Variants in IGSF5 observed in about 807,000 individuals in gnomAD.
The protein encoded by IGSF5 is immunoglobulin superfamily 5 like.
In IGSF5, 41 loss-of-function variants were observed where a neutral mutation model predicts 39.4. That is an observed-to-expected ratio of 1.04 (90% CI 0.81 to 1.35). The LOEUF is 1.35. Ranked by LOEUF, IGSF5 falls within the 40% of genes most tolerant of loss-of-function variation. The probability of loss-of-function intolerance (pLI) is 0.00; values close to 1 mark genes in which losing one functional copy is unlikely to be tolerated. For missense variants in IGSF5, 487 were observed against 494.6 expected (o/e 0.98, Z 0.15); for synonymous variants, 183 against 175.3 (o/e 1.04, Z -0.34).
chr21:39,791,920 C>T (rs1354664084), intron 6 of IGSF5, 88 bp from the exon 7 acceptor site: 27 of 809,264 alleles, frequency 3.3e-5, no homozygotes, highest in South Asian at 6.5e-5. Context: ...AGAGTAACCA[C>T]GTGAACTACG....
At chr21:39,765,927 C>T in intron 3 of IGSF5, 75 bp downstream of exon 3, 1 of 1,366,058 alleles carries the variant, frequency 7.3e-7, no homozygotes, top group Non-Finnish European at 1.0e-6. Flanking sequence ...AAAGTTCATG[C>T]CGCGTATGAT....
At chr21:39,778,971 G>A in intron 4 of IGSF5, 119 bp from the exon 5 acceptor site, 3 of 1,232,932 alleles carry the variant, frequency 2.4e-6, no homozygotes. Flanking sequence ...ATGACGCCTA[G>A]CCATAGCAGG....
intron 2 of IGSF5, among the ~76,000 whole-genome samples, chr21:39,763,453 T>C (rs2080070647): frequency 6.6e-6 from 1 of 152,192 alleles, no homozygotes; most frequent in African/African-American, 2.4e-5. Context: ...TCCCTCCTTT[T>C]CATCTCCCAG....
At chr21:39,788,769 A>G (rs1023747153) in intron 6 of IGSF5, among the ~76,000 whole-genome samples, 1 of 152,256 alleles carries the variant, frequency 6.6e-6, no homozygotes, top group Non-Finnish European at 1.5e-5. Context: ...AGTAGCCAGT[A>G]ACCCTTTTAA....
At chr21:39,771,275 G>A (rs986805562) in intron 4 of IGSF5, 60 bp downstream of exon 4, 5 of 1,408,482 alleles carry the variant, frequency 3.5e-6, no homozygotes, top group Admixed American at 2.6e-5. Flanking sequence ...TCAATATTAC[G>A]TAGAATGCTC....
the IGSF5 span, among the ~76,000 whole-genome samples, chr21:39,738,059 T>C: frequency 1.3e-5 from 2 of 152,184 alleles, no homozygotes; most frequent in Non-Finnish European, 2.9e-5. This position sits in a 1 kb window ranked among gnomAD's most constrained non-coding sequence, Gnocchi z 6.4. Context: ...GTCATCGATA[T>C]CTATTTCTAT....
the IGSF5 span, among the ~76,000 whole-genome samples, chr21:39,714,079 G>A: frequency 5.2e-3 from 785 of 152,342 alleles, 9 homozygotes; most frequent in African/African-American, 0.018. Flanking sequence ...CCACGTGAGC[G>A]CGAGCTGCTC....
intron 3 of IGSF5, 58 bp from the exon 4 acceptor site, chr21:39,770,858 A>C: frequency 8.2e-7 from 1 of 1,213,394 alleles, no homozygotes; most frequent in Non-Finnish European, 1.1e-6. Flanking sequence ...AAAAAAGAAA[A>C]CTTAGAAGCG....
chr21:39,713,199 T>G, the IGSF5 span, among the ~76,000 whole-genome samples: 1 of 152,114 alleles, frequency 6.6e-6, no homozygotes, highest in Admixed American at 6.5e-5. Flanking sequence ...TGGTTAGAAG[T>G]GGTGGATGAC....
At chr21:39,776,013 C>T (rs2080138242) in intron 4 of IGSF5, among the ~76,000 whole-genome samples, 1 of 152,094 alleles carries the variant, frequency 6.6e-6, no homozygotes, top group African/African-American at 2.4e-5. Context: ...GTCTTGTCTG[C>T]ATGATGAAAA....
intron 4 of IGSF5, among the ~76,000 whole-genome samples, chr21:39,775,575 G>A (rs1359408543): frequency 6.6e-6 from 1 of 152,170 alleles, no homozygotes; most frequent in Non-Finnish European, 1.5e-5. Flanking sequence ...TTTCTTCACA[G>A]ATGGGAAAAG....
the IGSF5 span, among the ~76,000 whole-genome samples, chr21:39,738,054 C>T: frequency 1.1e-4 from 17 of 152,142 alleles, no homozygotes; most frequent in African/African-American, 9.7e-5. The surrounding 1 kb of genome is among the most constrained non-coding windows in gnomAD (Gnocchi z 6.4). Flanking sequence ...TCTATGTCAT[C>T]GATATCTATT....
At chr21:39,719,163 C>A in the IGSF5 span, among the ~76,000 whole-genome samples, 3 of 152,122 alleles carry the variant, frequency 2.0e-5, no homozygotes, top group Non-Finnish European at 4.4e-5. Context: ...TTCTGTATTT[C>A]TTTCTTTCCT....
At chr21:39,721,725 TCCAC>T in the IGSF5 span, among the ~76,000 whole-genome samples, 2 of 144,684 alleles carry the variant, frequency 1.4e-5, no homozygotes, top group East Asian at 4.0e-4. Context: ...CTTCCTTCCT[TCCAC>T]CCACCCATCC....
the IGSF5 span, among the ~76,000 whole-genome samples, chr21:39,721,453 G>A: frequency 1.3e-5 from 2 of 152,196 alleles, no homozygotes; most frequent in African/African-American, 4.8e-5. Flanking sequence ...AGTTCAGGCG[G>A]AAGTCCTGCT....
chr21:39,785,954 A>G lies in IGSF5; in HGVS notation c.935-2213A>G, dbSNP rs1370135429. 1.1e-4 allele frequency among the ~76,000 whole-genome samples: 16 copies of G among 152,330 alleles called. No homozygotes were observed. In the East Asian group the frequency reaches 1.4e-3, roughly 13 times the overall value. On this transcript the variant is annotated intron_variant, in intron 5 of 8. Coordinates refer to ENST00000380588, the MANE Select transcript of IGSF5 (RefSeq NM_001080444.2). ...TTCCTTACACCTTACACAAAAATCA[A>G]TTCAAGATGGATTAAAGACTTAAAC...
At chr21:39,792,198 C>A (rs977257268) in intron 7 of IGSF5, 99 bp downstream of exon 7, 8 of 684,022 alleles carry the variant, frequency 1.2e-5, no homozygotes, top group East Asian at 5.5e-5. Context: ...GCTAACTTGG[C>A]AATGGTGGTT....
At chr21:39,761,925 C>T (rs1158438673) in intron 2 of IGSF5, among the ~76,000 whole-genome samples, 1 of 152,174 alleles carries the variant, frequency 6.6e-6, no homozygotes, top group Non-Finnish European at 1.5e-5. Flanking sequence ...GCCTTGACCT[C>T]CCAAAGTGCT....
Position 39,801,289 on chromosome 21 carries a change from G to A in IGSF5, c.1156G>A (p.Ala386Thr), listed in dbSNP as rs2087027491. The A allele has an allele frequency of 3.1e-6, 5 of 1,613,986 alleles. No homozygotes were observed. The highest frequency in any genetic ancestry group is 4.2e-6 in the Non-Finnish European group (5 of 1,180,012). The change falls in exon 9 of 9, where the codon GCA becomes ACA. Residue 386 changes from alanine to threonine, a missense_variant. Physicochemically the swap from Ala to Thr is moderately conservative, Grantham distance 58 (BLOSUM62 0). Coordinates refer to ENST00000380588, the MANE Select transcript of IGSF5 (RefSeq NM_001080444.2). ...QRADQRPPRP[A>T]SHPQASFNLA... ...GGCTGATCAACGTCCACCCAGGCCA[G>A]CAAGTCATCCACAGGCTTCTTTTAA... is the stretch of plus-strand genomic sequence containing the variant.
Sources: allele counts gnomAD v4.1 joint callset (sites outside exome capture counted in the v4.1 genomes callset), GRCh38; gene constraint gnomAD v4.1.1; non-coding constraint Gnocchi (gnomAD v3.1); transcripts MANE v1.5; gene names NCBI Gene and HGNC (gene_info 2026-07-23, HGNC 2026-07-21).